ZNF385D: variants seen among roughly 807,000 people sequenced by gnomAD.
The protein encoded by ZNF385D is zinc finger protein 385D, also known as zinc finger protein 659.
Under a neutral mutation model 35.8 loss-of-function variants are expected in ZNF385D, and 15 were observed. That is an observed-to-expected ratio of 0.42 (90% confidence interval 0.28 to 0.64). The LOEUF (loss-of-function observed/expected upper bound fraction) is 0.64, where lower values mean the gene tolerates loss of function less well. ZNF385D is among the 30% of genes least tolerant of loss of function. The probability of loss-of-function intolerance (pLI) is 0.23; values close to 1 mark genes in which losing one functional copy is unlikely to be tolerated. For missense variants in ZNF385D, 474 were observed against 494.6 expected (o/e 0.96, Z 0.39); for synonymous variants, 212 against 186.8 (o/e 1.13, Z -1.10).
intron 2 of ZNF385D, among the ~76,000 whole-genome samples, chr3:22,287,740 AAT>A (rs1462123914): frequency 6.6e-6 from 1 of 152,032 alleles, no homozygotes; most frequent in African/African-American, 2.4e-5. Context: ...AATTGTTTGT[AAT>A]AGTTTTTCCT....
At chr3:22,326,559 C>A (rs1031829188) in intron 2 of ZNF385D, among the ~76,000 whole-genome samples, 1 of 151,912 alleles carries the variant, frequency 6.6e-6, no homozygotes, top group African/African-American at 2.4e-5. Context: ...CAAGGTAGAA[C>A]GGGAAAAGAA....
intron 2 of ZNF385D, among the ~76,000 whole-genome samples, chr3:22,171,203 T>C (rs955674017): frequency 1.3e-5 from 2 of 152,204 alleles, no homozygotes; most frequent in Non-Finnish European, 2.9e-5. Flanking sequence ...AATTAGGCAA[T>C]GCTACAGAGA....
At position 21,784,164 on chromosome 3, in the gene ZNF385D, A is replaced by C. The variant is rs542005088; in HGVS notation, c.326-119136T>G. On this transcript the variant is annotated intron_variant, in intron 3 of 5. Transcript: ENST00000494108. ...CTGGAAGAGAAGTCTGCCAAGAATAAAACTTTAAAACCAGCCTATAAAGCA... is the reference window on the plus strand; with the variant it reads ...CTGGAAGAGAAGTCTGCCAAGAATACAACTTTAAAACCAGCCTATAAAGCA... Among the ~76,000 whole-genome samples the C allele has an allele frequency of 2.6e-5, 4 of 152,316 alleles. No homozygotes were observed. The East Asian group carries it at 7.7e-4, about 29-fold the overall frequency.
intron 2 of ZNF385D, among the ~76,000 whole-genome samples, chr3:22,242,565 C>G (rs1401469348): frequency 6.6e-6 from 1 of 150,806 alleles, no homozygotes; most frequent in African/African-American, 2.5e-5. Flanking sequence ...AACACCTAAC[C>G]AGTACTCTTA....
rs185120609 is a variant in ZNF385D at position 21,870,445 on chromosome 3, G to A, written c.326-205417C>T. On this transcript the variant is annotated intron_variant, in intron 3 of 5. Transcript: ENST00000494108. ...CCAGTGTGGCTCATTTGAATTATCC[G>A]TGAACAAATCAATCCTTGCGGCTAC... Among the ~76,000 whole-genome samples the A allele has an allele frequency of 6.6e-5, 10 of 152,238 alleles. No individual in the cohort carries two copies. The South Asian group carries it at 1.2e-3, about 19-fold the overall frequency.
At chr3:21,886,520 T>C (rs1239206834) in intron 3 of ZNF385D, among the ~76,000 whole-genome samples, 2 of 152,008 alleles carry the variant, frequency 1.3e-5, no homozygotes, top group African/African-American at 4.8e-5. Flanking sequence ...TTCCTTATCC[T>C]TTCTGAAGAA....
chr3:21,566,822 C>T (rs1320139659), intron 2 of ZNF385D, among the ~76,000 whole-genome samples: 1 of 152,120 alleles, frequency 6.6e-6, no homozygotes, highest in Non-Finnish European at 1.5e-5. Flanking sequence ...GACAAGTTCC[C>T]TCTTACCCCT....
intron 3 of ZNF385D, among the ~76,000 whole-genome samples, chr3:22,068,658 C>T (rs549931113): frequency 2.4e-4 from 37 of 152,220 alleles, no homozygotes; most frequent in Non-Finnish European, 4.0e-4. Context: ...TTCTTTTCCA[C>T]ATTTCCTCTC....
At chr3:21,949,437 G>A (rs1701948243) in intron 3 of ZNF385D, among the ~76,000 whole-genome samples, 1 of 151,890 alleles carries the variant, frequency 6.6e-6, no homozygotes, top group South Asian at 2.1e-4. Flanking sequence ...GTGGAGTGTA[G>A]GTGTATTTGA....
chr3:22,123,962 C>CTCTA (rs1491571691), intron 3 of ZNF385D, among the ~76,000 whole-genome samples: 100 of 61,830 alleles, frequency 1.6e-3, no homozygotes, highest in African/African-American at 4.6e-3. Flanking sequence ...CTCTCTCTCT[C>CTCTA]TATATATATA....
At chr3:21,884,595 T>C (rs1019948126) in intron 3 of ZNF385D, among the ~76,000 whole-genome samples, 5 of 152,076 alleles carry the variant, frequency 3.3e-5, no homozygotes, top group African/African-American at 1.2e-4. Flanking sequence ...CTTGCAATTA[T>C]ACTAAAAACA....
intron 1 of ZNF385D, among the ~76,000 whole-genome samples, chr3:21,735,388 T>A (rs76991370): frequency 6.6e-6 from 1 of 152,184 alleles, no homozygotes; most frequent in African/African-American, 2.4e-5. Flanking sequence ...CACTCACTAC[T>A]GGTTGCTTAT....
At chr3:22,040,922 T>C (rs1039906046) in intron 3 of ZNF385D, among the ~76,000 whole-genome samples, 3 of 152,174 alleles carry the variant, frequency 2.0e-5, no homozygotes, top group Non-Finnish European at 4.4e-5. Context: ...TTAATTGAGA[T>C]ATAATTTATA....
intron 3 of ZNF385D, among the ~76,000 whole-genome samples, chr3:21,896,748 TATG>T (rs780981681): frequency 1.3e-5 from 2 of 152,122 alleles, no homozygotes; most frequent in Non-Finnish European, 2.9e-5. Context: ...GGGCTCATGA[TATG>T]ATATCAGAAA....
chr3:21,617,726 G>A (rs1203000986), intron 2 of ZNF385D, among the ~76,000 whole-genome samples: 1 of 152,042 alleles, frequency 6.6e-6, no homozygotes, highest in Non-Finnish European at 1.5e-5. Flanking sequence ...GTCCTTTGAT[G>A]TCTATCAAAC....
intron 3 of ZNF385D, among the ~76,000 whole-genome samples, chr3:21,821,791 T>A (rs1694248993): frequency 6.6e-6 from 1 of 151,806 alleles, no homozygotes; most frequent in African/African-American, 2.4e-5. Context: ...TGAGAACCCA[T>A]CTCTACAAAA....
intron 2 of ZNF385D, among the ~76,000 whole-genome samples, chr3:21,612,252 T>A (rs902661308): frequency 3.3e-5 from 5 of 151,886 alleles, no homozygotes; most frequent in Admixed American, 6.6e-5. Flanking sequence ...GCCCCGCTAA[T>A]TTTTTTTATT....
intron 3 of ZNF385D, among the ~76,000 whole-genome samples, chr3:21,777,034 A>G (rs573469971): frequency 6.6e-6 from 1 of 152,076 alleles, no homozygotes; most frequent in African/African-American, 2.4e-5. Context: ...CATGCTACTT[A>G]CTTCCTCAGC....
At chr3:22,189,139 GT>G (rs1048585108) in intron 2 of ZNF385D, among the ~76,000 whole-genome samples, 5 of 152,022 alleles carry the variant, frequency 3.3e-5, no homozygotes, top group African/African-American at 1.2e-4. Context: ...TTAGGGTTAA[GT>G]TTTGCTCATA....
Sources: gnomAD v4.1 joint callset for allele counts (sites outside exome capture counted in the v4.1 genomes callset) on GRCh38, gnomAD v4.1.1 for gene constraint, MANE v1.5 for transcripts, NCBI Gene and HGNC (gene_info 2026-07-23, HGNC 2026-07-21) for gene names.